MED27: variants seen among roughly 807,000 people sequenced by gnomAD.
MED27 encodes the protein mediator complex subunit 27, also known as mediator of RNA polymerase II transcription subunit 27.
A neutral mutation model predicts 38.2 loss-of-function variants in MED27; 30 were observed. That is an observed-to-expected ratio of 0.79 (90% CI 0.59 to 1.07). The LOEUF (loss-of-function observed/expected upper bound fraction) is 1.07. Among genes scored for constraint, MED27 ranks in the 50% least tolerant of loss-of-function variants. MED27 has a pLI of 0.00. For synonymous variants in MED27, 122 were observed against 153.5 expected, an observed-to-expected ratio of 0.79 and a Z score of 1.52; for missense variants, 289 against 397.5, an observed-to-expected ratio of 0.73 and a Z score of 2.32.
intron 3 of MED27, among the ~76,000 whole-genome samples, chr9:131,940,924 C>T (rs1322170284): frequency 6.6e-6 from 1 of 152,186 alleles, no homozygotes; most frequent in Non-Finnish European, 1.5e-5. Context: ...AAGGACTTAG[C>T]ATGAGAACTG....
chr9:131,919,586 T>C (rs952371469), intron 4 of MED27, among the ~76,000 whole-genome samples: 1 of 151,840 alleles, frequency 6.6e-6, no homozygotes, highest in South Asian at 2.1e-4. Flanking sequence ...ATTTGGAAAA[T>C]GGGGGATAAT....
intron 6 of MED27, among the ~76,000 whole-genome samples, chr9:131,880,013 G>A (rs1277948589): frequency 3.9e-5 from 6 of 152,250 alleles, no homozygotes; most frequent in African/African-American, 9.6e-5. Flanking sequence ...AAAGGACAAC[G>A]TGGTCCCACC....
intron 4 of MED27, among the ~76,000 whole-genome samples, chr9:131,928,796 C>T (rs1830527186): frequency 6.6e-6 from 1 of 152,230 alleles, no homozygotes; most frequent in Non-Finnish European, 1.5e-5. Context: ...GTCTAGACCA[C>T]AAGGACTACA....
At chr9:132,026,081 T>C (rs1832811377) in intron 2 of MED27, among the ~76,000 whole-genome samples, 1 of 152,212 alleles carries the variant, frequency 6.6e-6, no homozygotes, top group Non-Finnish European at 1.5e-5. Context: ...CCAACTCCAA[T>C]GATGCTCAGC....
chr9:132,077,070 TG>T (rs1216382485), intron 2 of MED27, among the ~76,000 whole-genome samples: 2 of 152,192 alleles, frequency 1.3e-5, no homozygotes, highest in Non-Finnish European at 2.9e-5. Context: ...AGACACCTCC[TG>T]GGGGCCACAG....
chr9:131,868,653 C>T (rs1589169628), intron 6 of MED27: 1 of 985,378 alleles, frequency 1.0e-6, no homozygotes, highest in African/African-American at 1.7e-5. Flanking sequence ...TGGGTGAGGG[C>T]AGCAGTGTGG....
intron 6 of MED27, among the ~76,000 whole-genome samples, chr9:131,879,006 T>G (rs1767487564): frequency 6.6e-6 from 1 of 152,308 alleles, no homozygotes; most frequent in African/African-American, 2.4e-5. Context: ...CCTCTGCTAC[T>G]TCCACACTTG....
rs1377431548 is a variant in MED27, at chr9:131,872,865, A to G, written c.724-9725T>C. ...CCTCAGATTCCAGGCCAGTTCAAAG[A>G]GCTTGAGGATTCAGCTTGGAACCAG... On this transcript the variant is annotated intron_variant, in intron 6 of 7. Coordinates refer to ENST00000292035, the MANE Select transcript of MED27 (RefSeq NM_004269.4). The surrounding 1 kb of genome is among the most constrained non-coding windows in gnomAD (Gnocchi z 5.6). 2.6e-5 allele frequency among the ~76,000 whole-genome samples: 4 copies of G among 152,140 alleles called. No homozygotes were observed. Among genetic ancestry groups the G allele is most frequent in the Non-Finnish European group, 4.4e-5 (3 of 68,026 alleles).
At chr9:132,045,785 G>A (rs1465754364) in intron 2 of MED27, among the ~76,000 whole-genome samples, 3 of 152,282 alleles carry the variant, frequency 2.0e-5, no homozygotes, top group South Asian at 4.1e-4. Context: ...CCCTTGCAGC[G>A]AGGTAGCCAA....
chr9:132,058,893 G>A (rs1317439480), intron 2 of MED27, among the ~76,000 whole-genome samples: 1 of 152,194 alleles, frequency 6.6e-6, no homozygotes, highest in African/African-American at 2.4e-5. Context: ...CTGTGGCAGT[G>A]CTTTATCTTT....
chr9:131,938,250 T>C (rs561185769), intron 4 of MED27, among the ~76,000 whole-genome samples: 1 of 152,276 alleles, frequency 6.6e-6, no homozygotes, highest in East Asian at 1.9e-4. Flanking sequence ...TGCTAAAATA[T>C]GGGGAGTTCA....
intron 4 of MED27, among the ~76,000 whole-genome samples, chr9:131,926,445 G>A (rs1460175630): frequency 6.6e-6 from 1 of 152,158 alleles, no homozygotes; most frequent in Non-Finnish European, 1.5e-5. Context: ...ACAGCAGTGA[G>A]AAAAGGGAGA....
At chr9:131,926,216 G>A (rs1830480620) in intron 4 of MED27, among the ~76,000 whole-genome samples, 1 of 152,242 alleles carries the variant, frequency 6.6e-6, no homozygotes, top group Non-Finnish European at 1.5e-5. Flanking sequence ...TGTGGTCCAC[G>A]CCGAACAGTG....
chr9:132,060,246 G>C (rs1252360883), intron 2 of MED27, among the ~76,000 whole-genome samples: 1 of 152,202 alleles, frequency 6.6e-6, no homozygotes, highest in Non-Finnish European at 1.5e-5. Context: ...GGGGGAGGCA[G>C]TGACACACCA....
chr9:131,892,961 A>G (rs1347331691), intron 5 of MED27, among the ~76,000 whole-genome samples: 1 of 152,260 alleles, frequency 6.6e-6, no homozygotes, highest in African/African-American at 2.4e-5. Flanking sequence ...TGGAATGTGG[A>G]AATGCTGGGT....
At chr9:131,893,312 G>A (rs766051936) in intron 5 of MED27, among the ~76,000 whole-genome samples, 4 of 152,166 alleles carry the variant, frequency 2.6e-5, no homozygotes, top group Non-Finnish European at 5.9e-5. Flanking sequence ...GATGCTCTCT[G>A]TGGAGCCATA....
At chr9:131,878,436 G>C (rs745704673) in intron 6 of MED27, among the ~76,000 whole-genome samples, 7 of 152,288 alleles carry the variant, frequency 4.6e-5, no homozygotes, top group Non-Finnish European at 8.8e-5. Flanking sequence ...GTGCAGAACT[G>C]AAAGGGTTAC....
At chr9:131,944,530 C>CTTT (rs35269307) in intron 3 of MED27, among the ~76,000 whole-genome samples, 2 of 141,096 alleles carry the variant, frequency 1.4e-5, no homozygotes, top group African/African-American at 2.6e-5. Context: ...GGTTTTTAGT[C>CTTT]TTTTTTTTTT....
chr9:131,958,922 C>T (rs971739511), intron 3 of MED27, among the ~76,000 whole-genome samples: 9 of 152,230 alleles, frequency 5.9e-5, no homozygotes, highest in Non-Finnish European at 5.9e-5. Flanking sequence ...CAACCTCATC[C>T]TGTGAAGCCC....
Sources: allele counts gnomAD v4.1 joint callset (sites outside exome capture counted in the v4.1 genomes callset), GRCh38; gene constraint gnomAD v4.1.1; non-coding constraint Gnocchi (gnomAD v3.1); transcripts MANE v1.5; gene names NCBI Gene and HGNC (gene_info 2026-07-23, HGNC 2026-07-21).